The following TTC16 variants were observed in gnomAD, a reference collection of about 807,000 sequenced individuals.
TTC16 encodes the protein tetratricopeptide repeat protein 16.
A neutral mutation model predicts 80.4 loss-of-function variants in TTC16; 66 were observed. The ratio of observed to expected loss-of-function variants is 0.82; its 90% CI spans 0.67 to 1.01. The LOEUF is 1.01. Among genes scored for constraint, TTC16 ranks in the 50% least tolerant of loss-of-function variants. The pLI is 0.00. For missense variants in TTC16, 1,070 were observed against 1,103.2 expected (o/e 0.97, Z 0.43); for synonymous variants, 438 against 451.3 (o/e 0.97, Z 0.37).
At position 127,722,186 on chromosome 9, in the gene TTC16, C is replaced by A. The variant is rs572964486; in HGVS notation, c.658-933C>A. Among the ~76,000 whole-genome samples, 1 of 152,286 alleles carries A rather than the reference C, an allele frequency of 6.6e-6. No homozygotes were observed. The highest frequency in any genetic ancestry group is 2.1e-4 in the South Asian group (1 of 4,828). On this transcript the variant is annotated intron_variant, in intron 6 of 13. Coordinates refer to ENST00000373289, the MANE Select transcript of TTC16 (RefSeq NM_144965.3). The surrounding 1 kb of genome is among the most constrained non-coding windows in gnomAD (Gnocchi z 4.2). ...TGGCATTGCCTGGAGCCCAAGGCTG[C>A]TTATGCCGAAGCCCTGCCCCTAGCT... is the stretch of plus-strand genomic sequence containing the variant.
intron 1 of TTC16, chr9:127,716,383 G>A (rs1385561777): frequency 2.5e-5 from 16 of 652,548 alleles, no homozygotes; most frequent in Non-Finnish European, 4.0e-5. Context: ...GGTGGGGAAG[G>A]TGACCTCACC....
intron 12 of TTC16, 90 bp downstream of exon 12, chr9:127,727,555 G>C (rs1262368446): frequency 6.8e-7 from 1 of 1,477,660 alleles, no homozygotes; most frequent in South Asian, 1.3e-5. Context: ...GGCCAGTGGA[G>C]TCTGGCTTCC....
intron 1 of TTC16, 37 bp downstream of exon 1, chr9:127,716,200 G>C (rs1564373826): frequency 3.7e-6 from 6 of 1,613,816 alleles, no homozygotes; most frequent in Non-Finnish European, 5.1e-6. Context: ...AAAGGCAGAG[G>C]GCCAGGCAGA....
rs371387994 is a variant in TTC16, at chr9:127,726,924, G to A, written c.1426-46G>A. 37 of 1,611,850 alleles carry A rather than the reference G, an allele frequency of 2.3e-5. No homozygotes were observed. The African/African-American group carries it at 3.3e-4, about 15-fold the overall frequency. Reference sequence around the variant, plus strand: ...CAGGGCAGCATCGTGCTGTCTGTCTGCTGCTCTGGCCCTCACCTGGCTCTG... The same window carrying A: ...CAGGGCAGCATCGTGCTGTCTGTCTACTGCTCTGGCCCTCACCTGGCTCTG... On this transcript the variant is annotated intron_variant, in intron 10 of 13. Coordinates refer to ENST00000373289, the MANE Select transcript of TTC16 (RefSeq NM_144965.3).
At chr9:127,724,512 A>G (rs1363760436) in intron 8 of TTC16, 148 bp downstream of exon 8, 2 of 1,192,346 alleles carry the variant, frequency 1.7e-6, no homozygotes, top group East Asian at 2.6e-5. Context: ...TAGTCTCAGT[A>G]TCCCAGGAAC....
intron 12 of TTC16, chr9:127,727,682 CAGAG>C: frequency 1.0e-6 from 1 of 970,182 alleles, no homozygotes. Context: ...TGTGGGCCCT[CAGAG>C]AGAGGAGTCA....
chr9:127,723,127 C>T lies in TTC16; in HGVS notation c.666C>T (p.Leu222=). 3 of 1,611,216 alleles carry T rather than the reference C, an allele frequency of 1.9e-6. No homozygotes were observed. The highest frequency in any genetic ancestry group is 2.5e-6 in the Non-Finnish European group (3 of 1,179,796). Residue 222 remains leucine (L), a synonymous_variant, in exon 7 of 14, where the codon CTC becomes CTT. Transcript: ENST00000373289. ...CCCATGGCCTCCTGCAGCCCCACCT[C>T]TGCTACCGGGACCTGCACAGCGCCT... ...RLYNFLQKPH[L]CYRDLHSALL...
chr9:127,729,045 T>A (rs1844188180), intron 12 of TTC16: 1 of 153,382 alleles, frequency 6.5e-6, no homozygotes, highest in African/African-American at 2.4e-5. Flanking sequence ...CTAGGTAGGG[T>A]CTGGCTGTGG....
chr9:127,717,854 T>C, intron 4 of TTC16, 82 bp downstream of exon 4: 1 of 1,501,232 alleles, frequency 6.7e-7, no homozygotes. Flanking sequence ...CCCAGCTCTG[T>C]CTCCTTAGAT....
At position 127,731,393 on chromosome 9, in the gene TTC16, T is replaced by C. The variant is rs374375790; in HGVS notation, c.2610T>C (p.Tyr870=). The change falls in exon 14 of 14, where the codon TAT becomes TAC. Residue 870 remains tyrosine (Y), a synonymous_variant. Coordinates refer to ENST00000373289, the MANE Select transcript of TTC16 (RefSeq NM_144965.3). ...AGGTTGATCAGGACCTCACCTACTA[T>C]GAAGCTGTCTGAAGGGACCATCCAG... ...KTEVDQDLTY[Y]EAV 15 of 1,610,830 alleles carry C rather than the reference T, an allele frequency of 9.3e-6. No homozygotes were observed. The South Asian group carries it at 1.1e-4, about 12-fold the overall frequency.
In TTC16 at chr9:127,724,809, G is replaced by A. The variant is rs1843792283; in HGVS notation, c.1171G>A (p.Ala391Thr). ...LAFAEADYQQ[A>T]LALSPQDEGA... is the part of the protein sequence containing the mutation. ...CTTTGCCGAGGCGGACTACCAGCAGGCGCTGGCGCTGAGCCCTCAGGACGA... is the reference window on the plus strand; with the variant it reads ...CTTTGCCGAGGCGGACTACCAGCAGACGCTGGCGCTGAGCCCTCAGGACGA... Residue 391 changes from alanine to threonine, a missense_variant, in exon 9 of 14, where the codon GCG becomes ACG. By Grantham distance (58) the Ala-to-Thr change is moderately conservative. Transcript: ENST00000373289. The A allele has an allele frequency of 1.2e-6, 2 of 1,609,426 alleles. No homozygotes were observed. Among genetic ancestry groups the A allele is most frequent in the Non-Finnish European group, 1.7e-6 (2 of 1,178,766 alleles).
intron 9 of TTC16, among the ~76,000 whole-genome samples, chr9:127,725,867 T>A (rs1429986105): frequency 6.6e-6 from 1 of 152,172 alleles, no homozygotes; most frequent in Non-Finnish European, 1.5e-5. Flanking sequence ...CCCAAAGTGC[T>A]GGGATTACAG....
At position 127,716,100 on chromosome 9, in the gene TTC16, G is replaced by T. The variant is rs777314582; in HGVS notation, c.-46G>T. On this transcript the variant is annotated 5_prime_UTR_variant, in exon 1 of 14. Transcript: ENST00000373289. ...GCCTAGCAACGTCAGGGCCAGGGCCGCGAGGTAGTTGGCAGAGGCCTCGGG... is the reference window on the plus strand; with the variant it reads ...GCCTAGCAACGTCAGGGCCAGGGCCTCGAGGTAGTTGGCAGAGGCCTCGGG... 1.2e-6 allele frequency: 2 copies of T among 1,613,716 alleles called. No individual in the cohort carries two copies. Among genetic ancestry groups the T allele is most frequent in the Admixed American group, 3.3e-5 (2 of 60,034 alleles).
At position 127,731,515 on chromosome 9, in the gene TTC16, C is replaced by T; in HGVS notation, c.*110C>T. The T allele has an allele frequency of 6.7e-7, 1 of 1,489,910 alleles. No individual in the cohort carries two copies. Among genetic ancestry groups the T allele is most frequent in the Middle Eastern group, 1.8e-4 (1 of 5,548 alleles). 92.3% of individuals were successfully genotyped at this position (1,489,910 alleles called of 1,614,324 possible). On this transcript the variant is annotated 3_prime_UTR_variant, in exon 14 of 14. Coordinates refer to ENST00000373289, the MANE Select transcript of TTC16 (RefSeq NM_144965.3). ...CTTCCAGAGCAATTAAAAGTCTTAG[C>T]AACAGTCCTCTGGTCCCACAGCTGA...
Position 127,726,400 on chromosome 9 carries a change from C to T in TTC16, c.1421C>T (p.Pro474Leu), listed in dbSNP as rs1410630614. 1 of 1,595,802 alleles carries T rather than the reference C, an allele frequency of 6.3e-7. No individual in the cohort carries two copies. Among genetic ancestry groups the T allele is most frequent in the Non-Finnish European group, 8.6e-7 (1 of 1,168,406 alleles). Reference protein sequence around the residue: ...ATVLLLNPKQPKLSLLMTNLF... With the variant: ...ATVLLLNPKQLKLSLLMTNLF... ...GTCCTGCTCCTCAACCCCAAGCAACCAAAGGTAGGTTCCTGCCACGTCAGG... is the reference window on the plus strand; with the variant it reads ...GTCCTGCTCCTCAACCCCAAGCAACTAAAGGTAGGTTCCTGCCACGTCAGG... Residue 474 changes from proline to leucine, a missense_variant, in exon 10 of 14, where the codon CCA becomes CTA. Physicochemically the swap from Pro to Leu is moderately conservative, Grantham distance 98. Transcript: ENST00000373289.
At position 127,722,614 on chromosome 9, in the gene TTC16, A is replaced by C. The variant is rs1366195242; in HGVS notation, c.658-505A>C. Among the ~76,000 whole-genome samples the C allele has an allele frequency of 6.6e-6, 1 of 152,100 alleles. No homozygotes were observed. Among genetic ancestry groups the C allele is most frequent in the Non-Finnish European group, 1.5e-5 (1 of 68,016 alleles). On this transcript the variant is annotated intron_variant, in intron 6 of 13. Transcript: ENST00000373289. The surrounding 1 kb of genome is among the most constrained non-coding windows in gnomAD (Gnocchi z 4.2). ...TCACATCTGGAAAGGGCCAGCTGGC[A>C]TGGGGCCTGGGATGGAATTTCTCCA...
At chr9:127,727,788 T>G in intron 12 of TTC16, 1 of 174,416 alleles carries the variant, frequency 5.7e-6, no homozygotes, top group East Asian at 9.9e-5. Flanking sequence ...AGTCGGAGTC[T>G]TGCTCTGTCA....
At chr9:127,721,211 G>A (rs886350810) in intron 6 of TTC16, among the ~76,000 whole-genome samples, 1 of 151,920 alleles carries the variant, frequency 6.6e-6, no homozygotes, top group Non-Finnish European at 1.5e-5. Flanking sequence ...AGGGCAGGGG[G>A]CTTTAGGAAG....
chr9:127,716,140 G>T lies in TTC16; in HGVS notation c.-6G>T. 2 of 1,614,002 alleles carry T rather than the reference G, an allele frequency of 1.2e-6. No individual in the cohort carries two copies. Among genetic ancestry groups the T allele is most frequent in the Middle Eastern group, 3.3e-4 (2 of 6,062 alleles). ...GAGGCCTCGGGGTCCTCCTGGAAGG[G>T]GCCTCATGACAGATTCGGACGAGGT... On this transcript the variant is annotated 5_prime_UTR_variant, in exon 1 of 14. Coordinates refer to ENST00000373289, the MANE Select transcript of TTC16 (RefSeq NM_144965.3).
Sources: allele counts gnomAD v4.1 joint callset (sites outside exome capture counted in the v4.1 genomes callset), GRCh38; gene constraint gnomAD v4.1.1; non-coding constraint Gnocchi (gnomAD v3.1); transcripts MANE v1.5; gene names NCBI Gene and HGNC (gene_info 2026-07-23, HGNC 2026-07-21).